Variants in ZNF84 observed in about 807,000 individuals in gnomAD.
ZNF84 encodes zinc finger protein HPF2.
A neutral mutation model predicts 14.8 loss-of-function variants in ZNF84; 12 were observed. That is an observed-to-expected ratio of 0.81 (90% CI 0.52 to 1.31). The LOEUF is 1.31. ZNF84 is among the 50% of genes most tolerant of loss of function. The probability of loss-of-function intolerance (pLI) is 0.00; values close to 1 mark genes in which losing one functional copy is unlikely to be tolerated. For synonymous variants in ZNF84, 347 were observed against 291.1 expected (o/e 1.19, Z -1.96); for missense variants, 859 against 878.6 (o/e 0.98, Z 0.28).
intron 2 of ZNF84, among the ~76,000 whole-genome samples, chr12:133,045,294 A>G (rs1298256749): frequency 2.0e-5 from 3 of 152,140 alleles, no homozygotes; most frequent in African/African-American, 7.2e-5. Context: ...AACATGGTGA[A>G]ACCCCATCTC....
intron 4 of ZNF84, 115 bp from the exon 5 acceptor site, chr12:133,056,839 C>A: frequency 1.3e-6 from 1 of 780,934 alleles, no homozygotes; most frequent in East Asian, 2.8e-5. Context: ...ATTTCAGACT[C>A]GGAAACTAAG....
rs1248446657 is a variant in ZNF84 at position 133,058,746 on chromosome 12, T to C, written c.2031T>C (p.His677=). The change falls in exon 5 of 5, where the codon CAT becomes CAC. Residue 677 remains histidine, a synonymous_variant. Coordinates refer to ENST00000539354, the MANE Select transcript of ZNF84 (RefSeq NM_001289971.2). ...KSHLIPHQRT[H]TGEKPYGCSE... ...ACCTTATACCACATCAAAGGACACA[T>C]ACGGGTGAGAAACCCTATGGATGCA... is the stretch of plus-strand genomic sequence containing the variant. 3.1e-6 allele frequency: 5 copies of C among 1,613,860 alleles called. No individual in the cohort carries two copies. The highest frequency in any genetic ancestry group is 1.3e-5 in the African/African-American group (1 of 74,898).
chr12:133,057,515 A>C lies in ZNF84; in HGVS notation c.800A>C (p.Gln267Pro). The change falls in exon 5 of 5, where the codon CAG becomes CCG. Residue 267 changes from glutamine (Q) to proline (P), a missense_variant. Gln to Pro is a moderately conservative substitution (Grantham distance 76). Transcript: ENST00000539354. ...GGAGAAAAACCTTATAATTGTAGCCAGTGTGGGAAAGCCTTCTCCCAAAAG... is the reference window on the plus strand; with the variant it reads ...GGAGAAAAACCTTATAATTGTAGCCCGTGTGGGAAAGCCTTCTCCCAAAAG... The part of the protein sequence containing the change: ...HTGEKPYNCS[Q>P]CGKAFSQKSQ... 1 of 1,614,244 alleles carries C rather than the reference A, an allele frequency of 6.2e-7. No individual in the cohort carries two copies. Among genetic ancestry groups the C allele is most frequent in the Non-Finnish European group, 8.5e-7 (1 of 1,180,042 alleles).
In ZNF84 at chr12:133,062,165, A is replaced by G. The variant is rs1199391154; in HGVS notation, c.*3233A>G. On this transcript the variant is annotated 3_prime_UTR_variant, in exon 5 of 5. Transcript: ENST00000539354. Reference sequence around the variant, plus strand: ...GACCTGGAATTGTGCACAGTTCTACAAAGGACAATTGACATTGTTTTCCTT... The same window carrying G: ...GACCTGGAATTGTGCACAGTTCTACGAAGGACAATTGACATTGTTTTCCTT... 1.3e-5 allele frequency: 2 copies of G among 152,200 alleles called. No individual in the cohort carries two copies. The highest frequency in any genetic ancestry group is 2.4e-5 in the African/African-American group (1 of 41,450). The allele number at this position is 152,200 out of a possible 1,614,324, so 9.4% of individuals were successfully genotyped here. A position where few individuals can be genotyped will look rare whatever the true frequency, so the allele number is the denominator to read the frequency against.
Position 133,058,878 on chromosome 12 carries a change from A to T in ZNF84, c.2163A>T (p.Ser721=). 6.2e-7 allele frequency: 1 copy of T among 1,613,154 alleles called. No homozygotes were observed. The highest frequency in any genetic ancestry group is 1.7e-5 in the Admixed American group (1 of 59,986). Residue 721 remains serine, a synonymous_variant, in exon 5 of 5, where the codon TCA becomes TCT. Coordinates refer to ENST00000539354, the MANE Select transcript of ZNF84 (RefSeq NM_001289971.2). ...YRCIECGKAF[S]QKSQLINHQR... ...GCATTGAATGTGGGAAAGCTTTCTC[A>T]CAGAAGTCACAGCTCATCAATCATC...
chr12:133,054,472 C>T (rs1954118055), intron 4 of ZNF84, among the ~76,000 whole-genome samples: 1 of 152,100 alleles, frequency 6.6e-6, no homozygotes, highest in African/African-American at 2.4e-5. Context: ...AAATGACTGT[C>T]AAACTGTCAG....
intron 4 of ZNF84, among the ~76,000 whole-genome samples, 158 bp downstream of exon 4, chr12:133,049,006 T>C (rs1325446233): frequency 6.6e-6 from 1 of 152,180 alleles, no homozygotes; most frequent in Non-Finnish European, 1.5e-5. Flanking sequence ...TGGTCAGTGA[T>C]GGGTTGGCAT....
intron 4 of ZNF84, chr12:133,050,461 C>A (rs1333936899): frequency 5.0e-6 from 2 of 398,620 alleles, no homozygotes; most frequent in South Asian, 2.5e-4. Context: ...GGGTAGGAAT[C>A]ATGTCAGAGT....
chr12:133,059,361 T>G lies in ZNF84; in HGVS notation c.*429T>G. ...AATGAAGTTCTATGAAAGTACTAAA[T>G]ATGGGACAGTGCAACAAGTAACGAG... On this transcript the variant is annotated 3_prime_UTR_variant, in exon 5 of 5. Coordinates refer to ENST00000539354, the MANE Select transcript of ZNF84 (RefSeq NM_001289971.2). 1 of 218,968 alleles carries G rather than the reference T, an allele frequency of 4.6e-6. No individual in the cohort carries two copies. Among genetic ancestry groups the G allele is most frequent in the Non-Finnish European group, 8.9e-6 (1 of 112,012 alleles). The allele number at this position is 218,968 out of a possible 1,614,324, so 13.6% of individuals were successfully genotyped here. A position where few individuals can be genotyped will look rare whatever the true frequency, so the allele number is the denominator to read the frequency against.
At position 133,045,200 on chromosome 12, in the gene ZNF84, G is replaced by T. The variant is rs769969984; in HGVS notation, c.16-2755G>T. Among the ~76,000 whole-genome samples, 267 of 152,262 alleles carry T rather than the reference G, an allele frequency of 1.8e-3. 2 individuals are homozygous for T. Among genetic ancestry groups the T allele is most frequent in the Non-Finnish European group, 2.1e-4 (14 of 68,032 alleles). ...ATTTGCTTACTCTCAGCTGGGCACG[G>T]TGGCTCACACCTGTAATCCCAGCAC... On this transcript the variant is annotated intron_variant, in intron 2 of 4. Coordinates refer to ENST00000539354, the MANE Select transcript of ZNF84 (RefSeq NM_001289971.2).
chr12:133,048,896 T>C (rs1187322417), intron 4 of ZNF84, 48 bp downstream of exon 4: 10 of 1,505,302 alleles, frequency 6.6e-6, no homozygotes, highest in Non-Finnish European at 9.2e-6. Flanking sequence ...AAGCCCCATG[T>C]CATCTGGTCA....
In ZNF84 at chr12:133,045,402, C is replaced by T. The variant is rs1346819624; in HGVS notation, c.16-2553C>T. ...AGGAGAATTGCTTGAACCTGAGAGGCGGAGGTTGCAGTGAGCTGAGATTGG... is the reference window on the plus strand; with the variant it reads ...AGGAGAATTGCTTGAACCTGAGAGGTGGAGGTTGCAGTGAGCTGAGATTGG... On this transcript the variant is annotated intron_variant, in intron 2 of 4. Transcript: ENST00000539354. Among the ~76,000 whole-genome samples, 22 of 152,114 alleles carry T rather than the reference C, an allele frequency of 1.4e-4. No homozygotes were observed. The South Asian group carries it at 4.6e-3, about 32-fold the overall frequency.
chr12:133,047,887 T>TC, intron 2 of ZNF84, 68 bp from the exon 3 acceptor site: 1 of 1,566,352 alleles, frequency 6.4e-7, no homozygotes, highest in African/African-American at 1.4e-5. Context: ...GTGCTAAAGC[T>TC]CCAATATTTT....
intron 4 of ZNF84, among the ~76,000 whole-genome samples, chr12:133,056,331 G>T (rs1954157209): frequency 6.6e-6 from 1 of 151,956 alleles, no homozygotes; most frequent in South Asian, 2.1e-4. Context: ...TCGGCTCACT[G>T]CAATCTCCGC....
Position 133,057,494 on chromosome 12 carries a change from A to G in ZNF84, c.779A>G (p.Glu260Gly). The change falls in exon 5 of 5, where the codon GAA (glutamate) becomes GGA (glycine). Residue 260 changes from glutamate to glycine, a missense_variant. Coordinates refer to ENST00000539354, the MANE Select transcript of ZNF84 (RefSeq NM_001289971.2). ...FITHHRTHTG[E>G]KPYNCSQCGK... ...ACACATCACAGAACTCATACAGGAGAAAAACCTTATAATTGTAGCCAGTGT... is the reference window on the plus strand; with the variant it reads ...ACACATCACAGAACTCATACAGGAGGAAAACCTTATAATTGTAGCCAGTGT... The G allele has an allele frequency of 9.9e-6, 16 of 1,614,088 alleles. No homozygotes were observed. Among genetic ancestry groups the G allele is most frequent in the Non-Finnish European group, 1.4e-5 (16 of 1,180,018 alleles).
At chr12:133,043,215 T>C (rs1593696856) in intron 2 of ZNF84, among the ~76,000 whole-genome samples, 1 of 152,180 alleles carries the variant, frequency 6.6e-6, no homozygotes, top group East Asian at 1.9e-4. Context: ...TCTCACTCTG[T>C]CACCCAGGCT....
At chr12:133,038,885 A>G (rs1163983908) in intron 1 of ZNF84, 4 of 152,138 alleles carry the variant, frequency 2.6e-5, no homozygotes, top group Admixed American at 2.6e-4. Flanking sequence ...AAATAAGGTT[A>G]TTGACCTGGA....
chr12:133,058,577 A>C lies in ZNF84; in HGVS notation c.1862A>C (p.His621Pro). 1 of 1,614,084 alleles carries C rather than the reference A, an allele frequency of 6.2e-7. No individual in the cohort carries two copies. Among genetic ancestry groups the C allele is most frequent in the Non-Finnish European group, 8.5e-7 (1 of 1,179,988 alleles). Residue 621 changes from histidine to proline, a missense_variant, in exon 5 of 5, where the codon CAT (histidine) becomes CCT (proline). Coordinates refer to ENST00000539354, the MANE Select transcript of ZNF84 (RefSeq NM_001289971.2). Reference sequence around the variant, plus strand: ...GAGCTAATTAGACATCTGAGAACTCATACAGGAGAAAAACCTTATGAATGC... The same window carrying C: ...GAGCTAATTAGACATCTGAGAACTCCTACAGGAGAAAAACCTTATGAATGC... ...KSELIRHLRT[H>P]TGEKPYECNE...
Position 133,059,469 on chromosome 12 carries a change from A to G in ZNF84, c.*537A>G, listed in dbSNP as rs941424365. On this transcript the variant is annotated 3_prime_UTR_variant, in exon 5 of 5. Coordinates refer to ENST00000539354, the MANE Select transcript of ZNF84 (RefSeq NM_001289971.2). ...GGGAACACTTGCCCCTCAGTATAGT[A>G]CTGTCAAGGGAAGCCATACACTTTT... 13 of 154,752 alleles carry G rather than the reference A, an allele frequency of 8.4e-5. No individual in the cohort carries two copies. Among genetic ancestry groups the G allele is most frequent in the Non-Finnish European group, 1.6e-4 (11 of 69,950 alleles). 9.6% of individuals were successfully genotyped at this position (154,752 alleles called of 1,614,324 possible).
Sources: gnomAD v4.1 joint callset for allele counts (sites outside exome capture counted in the v4.1 genomes callset) on GRCh38, gnomAD v4.1.1 for gene constraint, MANE v1.5 for transcripts, NCBI Gene and HGNC (gene_info 2026-07-23, HGNC 2026-07-21) for gene names.